OR8G1: variants seen among roughly 807,000 people sequenced by gnomAD.
OR8G1 encodes the protein olfactory receptor family 8 subfamily G member 1.
For missense variants in OR8G1, 372 were observed against 356.2 expected (o/e 1.04, Z -0.36); for synonymous variants, 129 against 133.3 (o/e 0.97, Z 0.22).
Position 124,250,412 on chromosome 11 carries a change from TG to T in OR8G1, c.739del (p.Ala247ArgfsTer3), listed in dbSNP as rs1483221713. Reference sequence around the variant, plus strand: ...TTCAGCACTTGTAGCTCCCACATGTTGGCGGTTGTAATCTTTTTTGGATCTG... The same window carrying T: ...TTCAGCACTTGTAGCTCCCACATGTTGCGGTTGTAATCTTTTTTGGATCTG... ...KAFSTCSSHM[L>X]AVVIFFGSAA... On this transcript the variant is annotated frameshift_variant, in exon 3 of 3. Coordinates refer to ENST00000641972, the MANE Select transcript of OR8G1 (RefSeq NM_001002905.2). LOFTEE classifies it low-confidence loss of function (END_TRUNC). The T allele has an allele frequency of 6.2e-7, 1 of 1,613,716 alleles. No homozygotes were observed.
At position 124,241,346 on chromosome 11, in the gene OR8G1, G is replaced by A. The variant is rs1300350515; in HGVS notation, c.-115G>A. 1 of 152,134 alleles carries A rather than the reference G, an allele frequency of 6.6e-6. No individual in the cohort carries two copies. Among genetic ancestry groups the A allele is most frequent in the Non-Finnish European group, 1.5e-5 (1 of 68,034 alleles). 9.4% of individuals were successfully genotyped at this position (152,134 alleles called of 1,614,324 possible). A position where few individuals can be genotyped will look rare whatever the true frequency, so the allele number is the denominator to read the frequency against. On this transcript the variant is annotated 5_prime_UTR_variant, in exon 1 of 3. Coordinates refer to ENST00000641972, the MANE Select transcript of OR8G1 (RefSeq NM_001002905.2). ...ATTGCAAGTAAAATCAAGCATTGAA[G>A]TTTTTAGGCAGTGGAAAGGTGAGTG...
chr11:124,247,459 G>C (rs891890771), intron 1 of OR8G1, among the ~76,000 whole-genome samples: 2 of 151,774 alleles, frequency 1.3e-5, no homozygotes, highest in African/African-American at 2.4e-5. Context: ...GGAAAGTTGA[G>C]AAGAAAGATA....
At chr11:124,246,415 G>A (rs554359197) in intron 1 of OR8G1, among the ~76,000 whole-genome samples, 1 of 151,848 alleles carries the variant, frequency 6.6e-6, no homozygotes, top group Non-Finnish European at 1.5e-5. Context: ...GAAGAGAATG[G>A]AGAATAATGT....
rs535239252 is a variant in OR8G1, at chr11:124,253,067, A to G, written c.*2456A>G. 1 of 152,284 alleles carries G rather than the reference A, an allele frequency of 6.6e-6. No homozygotes were observed. Among genetic ancestry groups the G allele is most frequent in the Admixed American group, 6.5e-5 (1 of 15,286 alleles). The allele number at this position is 152,284 out of a possible 1,614,324, so 9.4% of individuals were successfully genotyped here. A position where few individuals can be genotyped will look rare whatever the true frequency, so the allele number is the denominator to read the frequency against. On this transcript the variant is annotated 3_prime_UTR_variant, in exon 3 of 3. Coordinates refer to ENST00000641972, the MANE Select transcript of OR8G1 (RefSeq NM_001002905.2). Reference sequence around the variant, plus strand: ...CGCATTTTGACTCAAATTTGTAAACATTACTAAAAAATTAACAGCTTAAAT... The same window carrying G: ...CGCATTTTGACTCAAATTTGTAAACGTTACTAAAAAATTAACAGCTTAAAT...
At chr11:124,244,695 G>A (rs369181525) in intron 1 of OR8G1, among the ~76,000 whole-genome samples, 1 of 151,908 alleles carries the variant, frequency 6.6e-6, no homozygotes, top group East Asian at 1.9e-4. Context: ...GGAGTGTGAA[G>A]GCTAGCACAT....
rs1346020620 is a variant in OR8G1, at chr11:124,252,467, A to G, written c.*1856A>G. 1 of 152,104 alleles carries G rather than the reference A, an allele frequency of 6.6e-6. No homozygotes were observed. Among genetic ancestry groups the G allele is most frequent in the Non-Finnish European group, 1.5e-5 (1 of 68,014 alleles). The allele number at this position is 152,104 out of a possible 1,614,324, so 9.4% of individuals were successfully genotyped here. ...TCAATCTGCATTACTTTTCCATATC[A>G]TCCTTATGTTCTCTTTCAGAAAAAC... On this transcript the variant is annotated 3_prime_UTR_variant, in exon 3 of 3. Coordinates refer to ENST00000641972, the MANE Select transcript of OR8G1 (RefSeq NM_001002905.2).
chr11:124,242,546 A>G (rs1426196307), intron 1 of OR8G1, among the ~76,000 whole-genome samples: 2 of 147,126 alleles, frequency 1.4e-5, no homozygotes, highest in Non-Finnish European at 1.5e-5. Context: ...CTGAACCATT[A>G]TGAACCTTTC....
intron 1 of OR8G1, among the ~76,000 whole-genome samples, chr11:124,245,287 AGTTTACT>A (rs1861800895): frequency 7.0e-6 from 1 of 142,266 alleles, no homozygotes; most frequent in Admixed American, 7.0e-5. Flanking sequence ...TTCTTGCGAT[AGTTTACT>A]AAGAATGATG....
In OR8G1 at chr11:124,250,619, T is replaced by A; in HGVS notation, c.*8T>A. Reference sequence around the variant, plus strand: ...AGAAGAACATTATTGTAAACAGTAATAATAAGAAGATGATATATTAATCCT... The same window carrying A: ...AGAAGAACATTATTGTAAACAGTAAAAATAAGAAGATGATATATTAATCCT... On this transcript the variant is annotated 3_prime_UTR_variant, in exon 3 of 3. Transcript: ENST00000641972. 5.2e-6 allele frequency: 2 copies of A among 385,408 alleles called. No homozygotes were observed. The highest frequency in any genetic ancestry group is 7.0e-6 in the Non-Finnish European group (2 of 285,060). The allele number at this position is 385,408 out of a possible 1,614,324, so 23.9% of individuals were successfully genotyped here.
Position 124,249,902 on chromosome 11 carries a change from T to C in OR8G1, c.227T>C (p.Val76Ala). 2 of 1,614,074 alleles carry C rather than the reference T, an allele frequency of 1.2e-6. No homozygotes were observed. The highest frequency in any genetic ancestry group is 8.5e-7 in the Non-Finnish European group (1 of 1,179,988). The change falls in exon 3 of 3, where the codon GTC becomes GCC. Residue 76 changes from valine to alanine, a missense_variant. Coordinates refer to ENST00000641972, the MANE Select transcript of OR8G1 (RefSeq NM_001002905.2). ...LSFIDFCHST[V>A]ITPKMLVNFV... ...TTCATTGACTTCTGCCATTCCACTG[T>C]CATTACCCCTAAGATGCTGGTGAAC...
At chr11:124,249,341 C>G (rs1297232295) in intron 2 of OR8G1, among the ~76,000 whole-genome samples, 2 of 151,954 alleles carry the variant, frequency 1.3e-5, no homozygotes, top group Non-Finnish European at 2.9e-5. Context: ...ATGAGTTCAA[C>G]TCATTTATAT....
chr11:124,250,214 A>T lies in OR8G1; in HGVS notation c.539A>T (p.Asp180Val), dbSNP rs377704859. ...KFDLINHYFC[D>V]LLPLLKLSCS... ...GATTTGATTAACCATTATTTCTGTG[A>T]TCTTCTTCCCCTCCTAAAGCTCTCT... is the stretch of plus-strand genomic sequence containing the variant. The change falls in exon 3 of 3, where the codon GAT (aspartate) becomes GTT (valine). Residue 180 changes from aspartate (D) to valine (V), a missense_variant. Asp to Val is a radical substitution (Grantham distance 152). Coordinates refer to ENST00000641972, the MANE Select transcript of OR8G1 (RefSeq NM_001002905.2). 7 of 1,613,486 alleles carry T rather than the reference A, an allele frequency of 4.3e-6. No homozygotes were observed. Among genetic ancestry groups the T allele is most frequent in the Non-Finnish European group, 5.9e-6 (7 of 1,179,786 alleles).
rs554477395 is a variant in OR8G1, at chr11:124,254,208, T to C, written c.*3597T>C. On this transcript the variant is annotated 3_prime_UTR_variant, in exon 3 of 3. Coordinates refer to ENST00000641972, the MANE Select transcript of OR8G1 (RefSeq NM_001002905.2). The stretch of plus-strand genomic sequence containing the variant: ...CCACATCCTCTCCAACAGTTATCCG[T>C]TCTCTTTTTGATAGTAACTATCCTA... 1 of 152,300 alleles carries C rather than the reference T, an allele frequency of 6.6e-6. No individual in the cohort carries two copies. The highest frequency in any genetic ancestry group is 1.5e-5 in the Non-Finnish European group (1 of 68,010). The allele number at this position is 152,300 out of a possible 1,614,324, so 9.4% of individuals were successfully genotyped here. A position where few individuals can be genotyped will look rare whatever the true frequency, so the allele number is the denominator to read the frequency against.
At position 124,250,375 on chromosome 11, in the gene OR8G1, A is replaced by G. The variant is rs753266210; in HGVS notation, c.700A>G (p.Arg234Gly). The change falls in exon 3 of 3, where the codon AGG becomes GGG. Residue 234 changes from arginine to glycine, a missense_variant. Physicochemically the swap from Arg to Gly is moderately radical, Grantham distance 125. Coordinates refer to ENST00000641972, the MANE Select transcript of OR8G1 (RefSeq NM_001002905.2). ...CCTCCACATTCGCTCCACTGAGGGC[A>G]GGTCCAAAGCCTTCAGCACTTGTAG... The part of the protein sequence containing the change: ...SILHIRSTEG[R>G]SKAFSTCSSH... 9.3e-6 allele frequency: 15 copies of G among 1,613,666 alleles called. No individual in the cohort carries two copies. The highest frequency in any genetic ancestry group is 1.7e-5 in the Admixed American group (1 of 59,950).
At position 124,247,783 on chromosome 11, in the gene OR8G1, T is replaced by G. The variant is rs895069424; in HGVS notation, c.-96-18T>G. On this transcript the variant is annotated intron_variant, in intron 1 of 2. Transcript: ENST00000641972. ...CATTTATGTATTCATCTGTTGATAA[T>G]GTTTTGGTTTTTTCCAGTTTGGGGC... 2 of 151,810 alleles carry G rather than the reference T, an allele frequency of 1.3e-5. No individual in the cohort carries two copies. The highest frequency in any genetic ancestry group is 4.8e-5 in the African/African-American group (2 of 41,400). The allele number at this position is 151,810 out of a possible 1,614,324, so 9.4% of individuals were successfully genotyped here.
rs112636254 is a variant in OR8G1, at chr11:124,247,100, A to T, written c.-96-701A>T. Among the ~76,000 whole-genome samples, 628 of 151,852 alleles carry T rather than the reference A, an allele frequency of 4.1e-3. 4 individuals carry two copies. The highest frequency in any genetic ancestry group is 0.015 in the African/African-American group (605 of 41,546). ...AGTTGAATTGTTGATTCAAGCTTCC[A>T]CTTCAAGAGGTTAGGGAAAAAAATA... On this transcript the variant is annotated intron_variant, in intron 1 of 2. Transcript: ENST00000641972.
intron 1 of OR8G1, among the ~76,000 whole-genome samples, chr11:124,243,090 G>A (rs1363280583): frequency 6.6e-6 from 1 of 151,766 alleles, no homozygotes; most frequent in African/African-American, 2.4e-5. Flanking sequence ...AATCAAAAAC[G>A]TAAATGACTA....
chr11:124,244,284 A>C (rs1861790815), intron 1 of OR8G1, among the ~76,000 whole-genome samples: 1 of 151,996 alleles, frequency 6.6e-6, no homozygotes, highest in African/African-American at 2.4e-5. Context: ...GAGGTGATTC[A>C]GGAACTTTTA....
intron 1 of OR8G1, among the ~76,000 whole-genome samples, chr11:124,244,252 G>A (rs1861790315): frequency 1.3e-5 from 2 of 151,834 alleles, no homozygotes; most frequent in Non-Finnish European, 2.9e-5. Context: ...ATGTCTCTAG[G>A]GAACAGGACT....
Sources: gnomAD v4.1 joint callset for allele counts (sites outside exome capture counted in the v4.1 genomes callset) on GRCh38, gnomAD v4.1.1 for gene constraint, MANE v1.5 for transcripts, NCBI Gene and HGNC (gene_info 2026-07-23, HGNC 2026-07-21) for gene names.